Variants in TMOD2 observed in about 807,000 individuals in gnomAD.
TMOD2 encodes tropomodulin-2.
A neutral mutation model predicts 39.9 loss-of-function variants in TMOD2; 22 were observed. The ratio of observed to expected loss-of-function variants is 0.55; its 90% CI spans 0.39 to 0.79. The LOEUF (loss-of-function observed/expected upper bound fraction) is 0.79. Ranked by LOEUF, TMOD2 falls within the 30% of genes least tolerant of loss-of-function variation. The pLI is 0.00. For synonymous variants in TMOD2, 123 were observed against 146.1 expected, an observed-to-expected ratio of 0.84 and a Z score of 1.14; for missense variants, 386 against 413.3, an observed-to-expected ratio of 0.93 and a Z score of 0.57.
intron 7 of TMOD2, among the ~76,000 whole-genome samples, chr15:51,796,832 G>A (rs137990453): frequency 8.5e-5 from 13 of 152,260 alleles, no homozygotes; most frequent in East Asian, 5.8e-4. Flanking sequence ...AGGGGACTGC[G>A]TTAGGCTACT....
intron 7 of TMOD2, among the ~76,000 whole-genome samples, chr15:51,790,210 A>G (rs2056001230): frequency 6.6e-6 from 1 of 152,260 alleles, no homozygotes; most frequent in African/African-American, 2.4e-5. Context: ...AACTATCATC[A>G]GAGAATATTA....
rs1027499586 is a variant in TMOD2, at chr15:51,815,898, A to G, written c.*7444A>G. The G allele has an allele frequency of 1.3e-5, 2 of 152,212 alleles. No individual in the cohort carries two copies. The highest frequency in any genetic ancestry group is 2.9e-5 in the Non-Finnish European group (2 of 68,032). 9.4% of individuals were successfully genotyped at this position (152,212 alleles called of 1,614,324 possible). On this transcript the variant is annotated 3_prime_UTR_variant, in exon 10 of 10. Coordinates refer to ENST00000249700, the MANE Select transcript of TMOD2 (RefSeq NM_014548.4). The stretch of plus-strand genomic sequence containing the variant: ...TGTTTTGAAGAGAATAAAGGAAATA[A>G]TACTTTGCAAACTGTTTAAACAAGT...
At chr15:51,801,284 C>CACACACACACACA (rs1314487875) in intron 8 of TMOD2, among the ~76,000 whole-genome samples, 1 of 130,350 alleles carries the variant, frequency 7.7e-6, no homozygotes, top group East Asian at 2.3e-4. Flanking sequence ...CACACACACA[C>CACACACACACACA]CCTGTCTCTC....
In TMOD2 at chr15:51,766,408, G is replaced by A. The variant is rs374459427; in HGVS notation, c.-34G>A. On this transcript the variant is annotated 5_prime_UTR_variant, in exon 2 of 10. In the 5' UTR this introduces an upstream ATG that the reference lacks. Transcript: ENST00000249700. ...TCTCAGGAAACTGGACCATTTAAATGTGCATGGCCCATGAGAAAGGCTTAT... is the reference window on the plus strand; with the variant it reads ...TCTCAGGAAACTGGACCATTTAAATATGCATGGCCCATGAGAAAGGCTTAT... 1.0e-5 allele frequency: 16 copies of A among 1,604,858 alleles called. No homozygotes were observed. The highest frequency in any genetic ancestry group is 2.7e-5 in the African/African-American group (2 of 74,358).
chr15:51,756,128 C>T (rs74015762), intron 1 of TMOD2, among the ~76,000 whole-genome samples: 2,256 of 152,250 alleles, frequency 0.015, 54 homozygotes, highest in African/African-American at 0.052. Context: ...GAAATAGGAC[C>T]CGCCATGAGA....
intron 7 of TMOD2, among the ~76,000 whole-genome samples, chr15:51,785,278 G>A (rs983554961): frequency 6.6e-6 from 1 of 152,112 alleles, no homozygotes; most frequent in African/African-American, 2.4e-5. Flanking sequence ...CGGGCGCGGT[G>A]GCGGGCGCCT....
intron 8 of TMOD2, 49 bp from the exon 9 acceptor site, chr15:51,806,328 T>A: frequency 6.2e-7 from 1 of 1,604,682 alleles, no homozygotes; most frequent in Non-Finnish European, 8.5e-7. Flanking sequence ...AGTAACTGTT[T>A]CCTCTTCCTT....
At chr15:51,782,928 C>T (rs922558766) in intron 7 of TMOD2, 100 bp downstream of exon 7, 4 of 1,137,944 alleles carry the variant, frequency 3.5e-6, no homozygotes, top group Admixed American at 4.2e-5. Flanking sequence ...ATCTGGAAAA[C>T]TTACCTTCTA....
At chr15:51,806,321 A>G (rs2056121027) in intron 8 of TMOD2, 56 bp from the exon 9 acceptor site, 1 of 1,598,742 alleles carries the variant, frequency 6.3e-7, no homozygotes, top group Non-Finnish European at 8.6e-7. Context: ...CTGTGCAAGT[A>G]ACTGTTTCCT....
chr15:51,803,093 G>A (rs974260060), intron 8 of TMOD2, among the ~76,000 whole-genome samples: 4 of 151,396 alleles, frequency 2.6e-5, no homozygotes, highest in Non-Finnish European at 5.9e-5. Context: ...TTCAAATCAG[G>A]GAAGAATGAA....
intron 2 of TMOD2, 86 bp downstream of exon 2, chr15:51,766,653 C>T: frequency 1.4e-6 from 2 of 1,410,538 alleles, no homozygotes; most frequent in Non-Finnish European, 1.9e-6. Flanking sequence ...GTAGAAATCC[C>T]TTAGCTCGGA....
chr15:51,795,563 CTGCTTGCTTGCT>C (rs144124016), intron 7 of TMOD2, among the ~76,000 whole-genome samples: 5,111 of 82,624 alleles, frequency 0.062, 386 homozygotes, highest in African/African-American at 0.18. Context: ...TTCTTCTCTT[CTGCTTGCTTGCT>C]TGCTTTCTTT....
intron 3 of TMOD2, among the ~76,000 whole-genome samples, chr15:51,771,497 A>G (rs957567278): frequency 4.6e-5 from 7 of 152,212 alleles, no homozygotes; most frequent in Non-Finnish European, 7.3e-5. Flanking sequence ...GTTTAGTACC[A>G]GGAAAGAGGA....
intron 8 of TMOD2, among the ~76,000 whole-genome samples, chr15:51,804,789 T>A (rs1304050642): frequency 6.6e-6 from 1 of 152,112 alleles, no homozygotes; most frequent in African/African-American, 2.4e-5. Context: ...GCCAGGCTGG[T>A]TTCGAACACC....
At chr15:51,788,058 A>G (rs2055983148) in intron 7 of TMOD2, among the ~76,000 whole-genome samples, 1 of 152,228 alleles carries the variant, frequency 6.6e-6, no homozygotes, top group South Asian at 2.1e-4. Context: ...AACTTCTCTG[A>G]GCAAAAGGAG....
chr15:51,810,150 T>C lies in TMOD2; in HGVS notation c.*1696T>C, dbSNP rs1251916809. ...TAAATAATGTTTATGGTTTTCAGTC[T>C]GATTTTTCCTTCCCTTTCACCCATT... On this transcript the variant is annotated 3_prime_UTR_variant, in exon 10 of 10. Transcript: ENST00000249700. 6.6e-6 allele frequency: 1 copy of C among 152,220 alleles called. No individual in the cohort carries two copies. Among genetic ancestry groups the C allele is most frequent in the Non-Finnish European group, 1.5e-5 (1 of 68,036 alleles). 9.4% of individuals were successfully genotyped at this position (152,220 alleles called of 1,614,324 possible).
At chr15:51,806,309 TC>T (rs2056120924) in intron 8 of TMOD2, 67 bp from the exon 9 acceptor site, 3 of 1,578,612 alleles carry the variant, frequency 1.9e-6, no homozygotes, top group Non-Finnish European at 2.6e-6. Context: ...CTTGTCTTTT[TC>T]CTGTGCAAGT....
chr15:51,776,874 A>G, intron 4 of TMOD2, 58 bp from the exon 5 acceptor site: 2 of 1,364,734 alleles, frequency 1.5e-6, no homozygotes, highest in Non-Finnish European at 2.1e-6. Context: ...CAAATTAACA[A>G]TGTGGACATC....
chr15:51,782,887 T>G, intron 7 of TMOD2, 59 bp downstream of exon 7: 3 of 1,512,806 alleles, frequency 2.0e-6, no homozygotes, highest in South Asian at 2.3e-5. Flanking sequence ...AAACTCTATT[T>G]ACTTTGTTTC....
Sources: allele counts gnomAD v4.1 joint callset (sites outside exome capture counted in the v4.1 genomes callset), GRCh38; gene constraint gnomAD v4.1.1; transcripts MANE v1.5; gene names NCBI Gene and HGNC (gene_info 2026-07-23, HGNC 2026-07-21).